The following ZNF483 variants were observed in gnomAD, a reference collection of about 807,000 sequenced individuals.
ZNF483 encodes the protein zinc finger protein 483.
Under a neutral mutation model 28.6 loss-of-function variants are expected in ZNF483, and 9 were observed. The observed-to-expected ratio is 0.32, with a 90% confidence interval of 0.19 to 0.55. The LOEUF is 0.55. Among genes scored for constraint, ZNF483 ranks in the 20% least tolerant of loss-of-function variants. The pLI is 0.93. For missense variants in ZNF483, 675 were observed against 871.7 expected, an observed-to-expected ratio of 0.77 and a Z score of 2.84; for synonymous variants, 322 against 306.2, an observed-to-expected ratio of 1.05 and a Z score of -0.54.
At chr9:111,575,065 T>C (rs1442684325) in intron 5 of ZNF483, among the ~76,000 whole-genome samples, 1 of 152,082 alleles carries the variant, frequency 6.6e-6, no homozygotes, top group Non-Finnish European at 1.5e-5. Flanking sequence ...CTTTGGAAGG[T>C]TGAGGTGGGT....
At position 111,539,944 on chromosome 9, in the gene ZNF483, G is replaced by A. The variant is rs77556556; in HGVS notation, c.722-1713G>A. Among the ~76,000 whole-genome samples, 363 of 152,060 alleles carry A rather than the reference G, an allele frequency of 2.4e-3. 13 individuals are homozygous for A. The East Asian group carries it at 0.065, about 27-fold the overall frequency. ...CAGGAGTTAGAGACCAGCCTGATCC[G>A]CGCAGGGAGACCCCATCTCTACAGA... On this transcript the variant is annotated intron_variant, in intron 5 of 5. Transcript: ENST00000309235.
intron 5 of ZNF483, among the ~76,000 whole-genome samples, chr9:111,566,204 A>T (rs1047676718): frequency 6.6e-6 from 1 of 151,974 alleles, no homozygotes; most frequent in African/African-American, 2.4e-5. Flanking sequence ...CTCCATGTCA[A>T]AAATAAATAA....
At chr9:111,575,524 A>G (rs1010939348) in intron 5 of ZNF483, 1 of 152,248 alleles carries the variant, frequency 6.6e-6, no homozygotes, top group African/African-American at 2.4e-5. Context: ...ACAAAGCTAA[A>G]TTAATTAAGA....
intron 5 of ZNF483, among the ~76,000 whole-genome samples, chr9:111,566,635 C>T (rs905727627): frequency 6.6e-6 from 1 of 152,132 alleles, no homozygotes; most frequent in Non-Finnish European, 1.5e-5. Flanking sequence ...CTACTTGGGA[C>T]CTGGAAGAGC....
intron 2 of ZNF483, among the ~76,000 whole-genome samples, chr9:111,530,156 G>T (rs1483228262): frequency 6.6e-6 from 1 of 152,132 alleles, no homozygotes; most frequent in Non-Finnish European, 1.5e-5. Flanking sequence ...ACTGAAGGTT[G>T]AGTTGATCAC....
downstream of ZNF483, among the ~76,000 whole-genome samples, chr9:111,559,706 A>G (rs1828220888): frequency 2.6e-5 from 4 of 152,254 alleles, no homozygotes; most frequent in South Asian, 8.3e-4. Flanking sequence ...GCCTCGGTGC[A>G]TGACCTCTTT....
chr9:111,526,959 G>C (rs1827197611), intron 1 of ZNF483, among the ~76,000 whole-genome samples: 2 of 152,044 alleles, frequency 1.3e-5, no homozygotes. Flanking sequence ...AATTAGCCAG[G>C]CATGGTGGTG....
chr9:111,533,624 G>T, intron 3 of ZNF483, 115 bp from the exon 4 acceptor site: 1 of 1,049,294 alleles, frequency 9.5e-7, no homozygotes, highest in Non-Finnish European at 1.3e-6. Flanking sequence ...GAACCATGAA[G>T]CACCACTGCA....
chr9:111,527,773 A>C lies in ZNF483; in HGVS notation c.378A>C (p.Leu126=), dbSNP rs1415185710. Residue 126 remains leucine (L), a synonymous_variant, in exon 2 of 6, where the codon CTA becomes CTC. Coordinates refer to ENST00000309235, the MANE Select transcript of ZNF483 (RefSeq NM_133464.5). Reference sequence around the variant, plus strand: ...AGAGTAGTGAGGAAGTGGTGACCCTAATAGAAGATTTGACCCAGATGCTTG... The same window carrying C: ...AGAGTAGTGAGGAAGTGGTGACCCTCATAGAAGATTTGACCCAGATGCTTG... ...HPESSEEVVT[L]IEDLTQMLEE... 5.0e-6 allele frequency: 8 copies of C among 1,614,028 alleles called. No homozygotes were observed. Among genetic ancestry groups the C allele is most frequent in the Non-Finnish European group, 5.9e-6 (7 of 1,180,032 alleles).
Position 111,543,468 on chromosome 9 carries a change from T to C in ZNF483, c.*298T>C. On this transcript the variant is annotated 3_prime_UTR_variant, in exon 6 of 6. Transcript: ENST00000309235. Reference sequence around the variant, plus strand: ...TCTGATTTCTTCTACTACCATGTAGTGTGATGGAGAGAACTTGACTGCAGT... The same window carrying C: ...TCTGATTTCTTCTACTACCATGTAGCGTGATGGAGAGAACTTGACTGCAGT... The C allele has an allele frequency of 9.1e-7, 1 of 1,094,794 alleles. No individual in the cohort carries two copies. The highest frequency in any genetic ancestry group is 1.1e-6 in the Non-Finnish European group (1 of 899,822). 67.8% of individuals were successfully genotyped at this position (1,094,794 alleles called of 1,614,324 possible).
At position 111,574,755 on chromosome 9, in the gene ZNF483, T is replaced by C. The variant is rs1326521149; in HGVS notation, c.722-1610T>C. ...TTACCTGGGGGAAGTGGGCCGGTTC[T>C]GTTATATGTAGAGATGGCTCCACAT... On this transcript the variant is annotated intron_variant, in intron 5 of 5. Coordinates refer to the ZNF483 transcript ENST00000358151. 3.1e-6 allele frequency: 5 copies of C among 1,613,482 alleles called. No individual in the cohort carries two copies. The East Asian group carries it at 6.7e-5, about 22-fold the overall frequency.
rs147561300 is a variant in ZNF483 at position 111,576,612 on chromosome 9, T to C, written c.*198T>C. 1.2e-4 allele frequency: 67 copies of C among 562,862 alleles called. No homozygotes were observed. The East Asian group carries it at 1.9e-3, about 16-fold the overall frequency. The allele number at this position is 562,862 out of a possible 1,614,324, so 34.9% of individuals were successfully genotyped here. A position where few individuals can be genotyped will look rare whatever the true frequency, so the allele number is the denominator to read the frequency against. ...GAACCTCCTTTTGTCTTTCATAAAA[T>C]AAAAGCTACTAGGATGAGTTGTTTT... On this transcript the variant is annotated 3_prime_UTR_variant, in exon 6 of 6. Transcript: ENST00000358151.
rs1315156684 is a variant in ZNF483 at position 111,527,593 on chromosome 9, C to T, written c.198C>T (p.Pro66=). The T allele has an allele frequency of 1.2e-6, 2 of 1,614,188 alleles. No individual in the cohort carries two copies. The highest frequency in any genetic ancestry group is 1.7e-5 in the Admixed American group (1 of 60,020). Reference sequence around the variant, plus strand: ...TTTGTTACTCAGAAGTAGCTGGACCCAGGAAAGCTCTGAGTCAACTCTGGG... The same window carrying T: ...TTTGTTACTCAGAAGTAGCTGGACCTAGGAAAGCTCTGAGTCAACTCTGGG... ...RWFCYSEVAG[P]RKALSQLWEL... The change falls in exon 2 of 6, where the codon CCC becomes CCT. Residue 66 remains proline, a synonymous_variant. Transcript: ENST00000309235.
intron 5 of ZNF483, among the ~76,000 whole-genome samples, chr9:111,565,090 C>T (rs183757163): frequency 1.9e-4 from 29 of 152,160 alleles, no homozygotes; most frequent in Middle Eastern, 3.4e-3. Context: ...CACCATTGCA[C>T]CCCAGCCTGG....
At position 111,550,939 on chromosome 9, in the gene ZNF483, T is replaced by G. The variant is rs1030675684; in HGVS notation, c.*7769T>G. Among the ~76,000 whole-genome samples, 4 of 152,222 alleles carry G rather than the reference T, an allele frequency of 2.6e-5. No individual in the cohort carries two copies. The highest frequency in any genetic ancestry group is 5.9e-5 in the Non-Finnish European group (4 of 68,038). ...TTCACCTGTTTTCTGTCTCTCACACTGGAGGCTTTCCTGAAGCCTCTGATG... is the reference window on the plus strand; with the variant it reads ...TTCACCTGTTTTCTGTCTCTCACACGGGAGGCTTTCCTGAAGCCTCTGATG... On this transcript the variant is annotated 3_prime_UTR_variant, in exon 6 of 6. Transcript: ENST00000309235.
intron 5 of ZNF483, chr9:111,576,264 A>T: frequency 1.7e-6 from 2 of 1,211,912 alleles, no homozygotes; most frequent in East Asian, 2.3e-5. Flanking sequence ...GTTGGTCCTC[A>T]TTATTAGTGG....
chr9:111,570,751 T>C (rs761664643), intron 5 of ZNF483, among the ~76,000 whole-genome samples: 7 of 151,848 alleles, frequency 4.6e-5, no homozygotes, highest in Non-Finnish European at 1.0e-4. Context: ...CGCACTCCAG[T>C]CTGGGTGACA....
At chr9:111,538,888 G>A (rs1273406220) in intron 5 of ZNF483, among the ~76,000 whole-genome samples, 1 of 152,006 alleles carries the variant, frequency 6.6e-6, no homozygotes. Flanking sequence ...GAGGCAGGTG[G>A]ATCACCTGAG....
chr9:111,563,463 A>G, intron 5 of ZNF483: 1 of 401,002 alleles, frequency 2.5e-6, no homozygotes. Flanking sequence ...GTCGGATCAT[A>G]GTGCGAAATG....
Sources: allele counts gnomAD v4.1 joint callset (sites outside exome capture counted in the v4.1 genomes callset), GRCh38; gene constraint gnomAD v4.1.1; transcripts MANE v1.5; gene names NCBI Gene and HGNC (gene_info 2026-07-23, HGNC 2026-07-21).